CPD: variants seen among roughly 807,000 people sequenced by gnomAD.
CPD encodes the protein carboxypeptidase D, also known as metallocarboxypeptidase D.
CPD carries 69 observed loss-of-function variants against 138.3 expected under a neutral mutation model. The ratio of observed to expected loss-of-function variants is 0.50; its 90% CI spans 0.41 to 0.61. The LOEUF (loss-of-function observed/expected upper bound fraction) is 0.61, where lower values mean the gene tolerates loss of function less well. Ranked by LOEUF, CPD falls within the 20% of genes least tolerant of loss-of-function variation. CPD has a pLI of 0.00. For synonymous variants in CPD, 651 were observed against 642.1 expected, an observed-to-expected ratio of 1.01 and a Z score of -0.21; for missense variants, 1,432 against 1,733.3, an observed-to-expected ratio of 0.83 and a Z score of 3.09.
At chr17:30,456,135 A>T (rs145126597) in intron 15 of CPD, 121 bp from the exon 16 acceptor site, 11 of 673,050 alleles carry the variant, frequency 1.6e-5, no homozygotes, top group African/African-American at 7.3e-5. Context: ...TAGTAACAGT[A>T]TACTTAAGTG....
chr17:30,420,066 A>C (rs1466022707), intron 2 of CPD, among the ~76,000 whole-genome samples: 1 of 152,222 alleles, frequency 6.6e-6, no homozygotes, highest in Non-Finnish European at 1.5e-5. Flanking sequence ...TAAAAACAAG[A>C]TGTGAGAAAA....
intron 2 of CPD, among the ~76,000 whole-genome samples, chr17:30,391,347 G>A (rs762535131): frequency 2.6e-5 from 4 of 152,022 alleles, no homozygotes; most frequent in Non-Finnish European, 5.9e-5. Flanking sequence ...AGGCCAAGGC[G>A]GGAGGATCTT....
chr17:30,401,214 T>G (rs554545551), intron 2 of CPD, among the ~76,000 whole-genome samples: 1 of 147,764 alleles, frequency 6.8e-6, no homozygotes, highest in Non-Finnish European at 1.5e-5. Context: ...TGCTGCTGCT[T>G]CTGCTTCTGC....
At chr17:30,409,587 G>T (rs991971402) in intron 2 of CPD, among the ~76,000 whole-genome samples, 5 of 152,200 alleles carry the variant, frequency 3.3e-5, no homozygotes, top group African/African-American at 7.2e-5. Context: ...TCTTGGGAGG[G>T]TGTATGTGTC....
Position 30,379,611 on chromosome 17 carries a change from A to T in CPD, c.631A>T (p.Ser211Cys), listed in dbSNP as rs962459723. The T allele has an allele frequency of 2.0e-6, 3 of 1,472,980 alleles. No individual in the cohort carries two copies. Among genetic ancestry groups the T allele is most frequent in the African/African-American group, 1.5e-5 (1 of 66,510 alleles). The allele number at this position is 1,472,980 out of a possible 1,614,324, so 91.2% of individuals were successfully genotyped here. The change falls in exon 1 of 21, where the codon AGT becomes TGT. Residue 211 changes from serine to cysteine, a missense_variant. Coordinates refer to ENST00000225719, the MANE Select transcript of CPD (RefSeq NM_001304.5). The surrounding 1 kb of genome is among the most constrained non-coding windows in gnomAD (Gnocchi z 7.0). ...GTCCGGGGCCAGCGGCCGCGACAAT[A>T]GTCGCGGCCGCGACCTCAACCGAAG... is the stretch of plus-strand genomic sequence containing the variant. ...GPSGASGRDN[S>C]RGRDLNRSFP...
At chr17:30,423,148 A>T in intron 5 of CPD, 125 bp downstream of exon 5, 1 of 712,240 alleles carries the variant, frequency 1.4e-6, no homozygotes, top group Non-Finnish European at 2.2e-6. Flanking sequence ...ACCTAACTAA[A>T]ATTAAAAGAA....
intron 2 of CPD, among the ~76,000 whole-genome samples, chr17:30,399,077 G>T (rs758961159): frequency 1.3e-5 from 2 of 151,790 alleles, no homozygotes; most frequent in African/African-American, 2.4e-5. Context: ...CAGAGGAAAC[G>T]TGCTTTACTT....
At chr17:30,386,442 T>C (rs972263850) in intron 2 of CPD, among the ~76,000 whole-genome samples, 1 of 152,204 alleles carries the variant, frequency 6.6e-6, no homozygotes, top group African/African-American at 2.4e-5. Context: ...CATATATATA[T>C]ACATAACATG....
At chr17:30,408,031 A>T (rs756290487) in intron 2 of CPD, among the ~76,000 whole-genome samples, 1 of 152,244 alleles carries the variant, frequency 6.6e-6, no homozygotes, top group African/African-American at 2.4e-5. Flanking sequence ...AGCTTCCTAC[A>T]TATGGCTACC....
At chr17:30,431,650 G>A (rs1912568468) in intron 7 of CPD, 122 bp from the exon 8 acceptor site, 5 of 655,722 alleles carry the variant, frequency 7.6e-6, no homozygotes, top group Non-Finnish European at 1.3e-5. Flanking sequence ...CATTTCTGTT[G>A]AGGAAATTCT....
At chr17:30,436,024 A>T (rs1167799129) in intron 8 of CPD, among the ~76,000 whole-genome samples, 1 of 152,138 alleles carries the variant, frequency 6.6e-6, no homozygotes, top group East Asian at 1.9e-4. Context: ...CCTTATTTTA[A>T]CTTGATTACC....
intron 2 of CPD, among the ~76,000 whole-genome samples, chr17:30,420,161 A>G (rs1912227814): frequency 6.6e-6 from 1 of 152,218 alleles, no homozygotes; most frequent in Admixed American, 6.5e-5. Flanking sequence ...TGAAGGTGAT[A>G]GACCATGGAT....
intron 8 of CPD, among the ~76,000 whole-genome samples, chr17:30,436,862 C>A (rs1234787257): frequency 1.3e-5 from 2 of 152,072 alleles, no homozygotes; most frequent in Non-Finnish European, 1.5e-5. Context: ...ATGGAAGCAA[C>A]CAAAATGTCC....
At position 30,443,933 on chromosome 17, in the gene CPD, G is replaced by A. The variant is rs558741330; in HGVS notation, c.2505G>A (p.Leu835=). ...TYKTGDYWRL[L]VPGTYKITAS... Reference sequence around the variant, plus strand: ...AAACTGGAGATTACTGGCGTCTCTTGGTTCCAGGAACTTATAAAATCACAG... The same window carrying A: ...AAACTGGAGATTACTGGCGTCTCTTAGTTCCAGGAACTTATAAAATCACAG... The change falls in exon 11 of 21, where the codon TTG becomes TTA. Residue 835 remains leucine, a synonymous_variant. Transcript: ENST00000225719. 2 of 1,613,888 alleles carry A rather than the reference G, an allele frequency of 1.2e-6. No individual in the cohort carries two copies. The highest frequency in any genetic ancestry group is 2.2e-5 in the East Asian group (1 of 44,868).
At chr17:30,432,074 T>C (rs1481409760) in intron 8 of CPD, among the ~76,000 whole-genome samples, 193 bp downstream of exon 8, 6 of 152,206 alleles carry the variant, frequency 3.9e-5, no homozygotes, top group Admixed American at 3.9e-4. Context: ...CTTTCTCCAT[T>C]GGCCTTTTAT....
chr17:30,439,103 T>C, intron 9 of CPD, 26 bp downstream of exon 9: 1 of 1,360,610 alleles, frequency 7.3e-7, no homozygotes, highest in Non-Finnish European at 1.0e-6. Context: ...TATCAAGGCC[T>C]TACAACTTGA....
intron 2 of CPD, among the ~76,000 whole-genome samples, chr17:30,403,315 G>GT (rs1241192694): frequency 6.6e-6 from 1 of 152,110 alleles, no homozygotes; most frequent in Non-Finnish European, 1.5e-5. Context: ...GCAGTAACCT[G>GT]TTTTGTAGTT....
intron 2 of CPD, among the ~76,000 whole-genome samples, chr17:30,400,865 G>C (rs1911641437): frequency 6.8e-6 from 1 of 147,456 alleles, no homozygotes; most frequent in South Asian, 2.2e-4. Context: ...TTTTAGTGGA[G>C]ATGGGGTTTC....
Position 30,464,653 on chromosome 17 carries a change from A to G in CPD, c.3982A>G (p.Asn1328Asp). 3 of 1,613,996 alleles carry G rather than the reference A, an allele frequency of 1.9e-6. No individual in the cohort carries two copies. The highest frequency in any genetic ancestry group is 2.2e-5 in the South Asian group (2 of 91,086). The change falls in exon 21 of 21, where the codon AAT becomes GAT. Residue 1328 changes from asparagine (N) to aspartate (D), a missense_variant. Asn to Asp is a conservative substitution (Grantham distance 23). This residue lies in a region of CPD where 366 missense variants were observed against 518.8 expected (regional missense o/e 0.71). Transcript: ENST00000225719. ...TTGGTGCATCTGCTCAATCAAGTCT[A>G]ATAGACACAAGGATGGCTTTCATCG... ...IIWCICSIKS[N>D]RHKDGFHRLR...
Sources: gnomAD v4.1 joint callset for allele counts (sites outside exome capture counted in the v4.1 genomes callset) on GRCh38, gnomAD v4.1.1 for gene constraint, gnomAD v4.1.1 regional missense constraint, Gnocchi (gnomAD v3.1) non-coding constraint, MANE v1.5 for transcripts, NCBI Gene and HGNC (gene_info 2026-07-23, HGNC 2026-07-21) for gene names.